SRPK1: variants seen among roughly 807,000 people sequenced by gnomAD.
SRPK1 encodes the protein SRSF protein kinase 1, also known as SFRS protein kinase 1.
In SRPK1, 52 loss-of-function variants were observed where a neutral mutation model predicts 89.5. The observed-to-expected ratio is 0.58, with a 90% CI of 0.46 to 0.73. The LOEUF is 0.73. SRPK1 is among the 30% of genes least tolerant of loss of function. The pLI is 0.00. For missense variants in SRPK1, 603 were observed against 780.6 expected (o/e 0.77, Z 2.71); for synonymous variants, 255 against 270.2 (o/e 0.94, Z 0.55).
At chr6:35,904,959 C>G (rs1471158393) in intron 2 of SRPK1, 2 of 443,516 alleles carry the variant, frequency 4.5e-6, no homozygotes, top group Non-Finnish European at 4.5e-6. Flanking sequence ...CTGGTTAGTA[C>G]AGCAAGACTC....
intron 2 of SRPK1, among the ~76,000 whole-genome samples, chr6:35,917,142 C>T (rs1224468622): frequency 6.6e-6 from 1 of 152,146 alleles, no homozygotes; most frequent in Non-Finnish European, 1.5e-5. Context: ...AGGCTCACAG[C>T]TATTGGTATA....
intron 14 of SRPK1, among the ~76,000 whole-genome samples, chr6:35,840,537 T>C (rs1043051931): frequency 9.2e-5 from 14 of 152,354 alleles, no homozygotes; most frequent in Non-Finnish European, 1.8e-4. Flanking sequence ...AAGTAAAATA[T>C]TGGTCCTTTA....
chr6:35,891,468 C>T (rs1770515271), intron 2 of SRPK1, among the ~76,000 whole-genome samples: 1 of 152,028 alleles, frequency 6.6e-6, no homozygotes, highest in Admixed American at 6.6e-5. Flanking sequence ...ATCTGTAATC[C>T]CAGCACTTTG....
At chr6:35,863,454 T>TA (rs58738266) in intron 12 of SRPK1, among the ~76,000 whole-genome samples, 34,142 of 137,426 alleles carry the variant, frequency 0.25, 4,563 homozygotes, top group South Asian at 0.35. Context: ...CCCTGTTTCT[T>TA]AAAAAAAAAA....
At position 35,871,642 on chromosome 6, in the gene SRPK1, C is replaced by G. The variant is rs570808984; in HGVS notation, c.752-683G>C. 4.6e-5 allele frequency among the ~76,000 whole-genome samples: 7 copies of G among 152,246 alleles called. No homozygotes were observed. In the South Asian group the frequency reaches 1.4e-3, roughly 32 times the overall value. On this transcript the variant is annotated intron_variant, in intron 8 of 15. Transcript: ENST00000373825. ...TTTTAAAGAAGTGTATAACTAATAA[C>G]TCAACTTGAGGATCAAGCAAGTTCC...
intron 6 of SRPK1, among the ~76,000 whole-genome samples, chr6:35,885,983 G>T (rs1037350020): frequency 1.3e-5 from 2 of 152,040 alleles, no homozygotes; most frequent in Non-Finnish European, 2.9e-5. Context: ...CAAAGTTGAG[G>T]CTTAGTATAA....
intron 2 of SRPK1, among the ~76,000 whole-genome samples, chr6:35,902,808 A>G (rs766014350): frequency 6.6e-6 from 1 of 152,202 alleles, no homozygotes; most frequent in Non-Finnish European, 1.5e-5. Context: ...TCTTTCTAGT[A>G]AAGAAAAATG....
Position 35,870,292 on chromosome 6 carries a change from T to C in SRPK1, c.980A>G (p.Gln327Arg). The change falls in exon 10 of 16, where the codon CAA becomes CGA. Residue 327 changes from glutamine (Q) to arginine (R), a missense_variant. Gln to Arg is a conservative substitution (Grantham distance 43). Transcript: ENST00000373825. ...TGTTCTATTTATACCAAGTTTTTCTTGGGTCATTTTATTAGGTGGGTTCTC... is the reference window on the plus strand; with the variant it reads ...TGTTCTATTTATACCAAGTTTTTCTCGGGTCATTTTATTAGGTGGGTTCTC... ...LKENPPNKMT[Q>R]EKLEESSTIG... is the part of the protein sequence containing the mutation. 1 of 1,611,536 alleles carries C rather than the reference T, an allele frequency of 6.2e-7. No individual in the cohort carries two copies.
At chr6:35,884,959 C>T (rs1770370481) in intron 6 of SRPK1, among the ~76,000 whole-genome samples, 1 of 152,108 alleles carries the variant, frequency 6.6e-6, no homozygotes, top group Non-Finnish European at 1.5e-5. Flanking sequence ...GAGATTATGC[C>T]ATTGAACTCC....
At chr6:35,885,298 C>CACACACACACACAG (rs1276672274) in intron 6 of SRPK1, among the ~76,000 whole-genome samples, 6 of 113,182 alleles carry the variant, frequency 5.3e-5, no homozygotes, top group South Asian at 5.8e-4. Context: ...CACACACACA[C>CACACACACACACAG]AGAGAGAGAG....
At chr6:35,908,194 T>C (rs1770890320) in intron 2 of SRPK1, among the ~76,000 whole-genome samples, 1 of 152,054 alleles carries the variant, frequency 6.6e-6, no homozygotes. Flanking sequence ...TAAAGATACT[T>C]GAAAATGTGG....
chr6:35,900,705 A>G (rs1375784897), intron 2 of SRPK1, among the ~76,000 whole-genome samples: 1 of 152,204 alleles, frequency 6.6e-6, no homozygotes, highest in African/African-American at 2.4e-5. Context: ...GCTATTTTAA[A>G]TAGTGTTGTG....
At chr6:35,878,945 G>A (rs1770217097) in intron 6 of SRPK1, among the ~76,000 whole-genome samples, 1 of 152,066 alleles carries the variant, frequency 6.6e-6, no homozygotes, top group Non-Finnish European at 1.5e-5. Flanking sequence ...ACGAAAATTA[G>A]CCAGGTGTGG....
intron 13 of SRPK1, among the ~76,000 whole-genome samples, chr6:35,843,953 A>G (rs1336255077): frequency 7.4e-6 from 1 of 134,762 alleles, no homozygotes; most frequent in African/African-American, 2.7e-5. Context: ...GCAGGGCTAC[A>G]TAAATCCTCA....
At chr6:35,898,386 T>TG (rs949598991) in intron 2 of SRPK1, among the ~76,000 whole-genome samples, 12 of 152,150 alleles carry the variant, frequency 7.9e-5, no homozygotes, top group Non-Finnish European at 1.5e-4. Context: ...GGGAGAAGAT[T>TG]GGGGGGTTAG....
intron 6 of SRPK1, among the ~76,000 whole-genome samples, chr6:35,885,991 T>C (rs1770399880): frequency 1.3e-5 from 2 of 152,194 alleles, no homozygotes; most frequent in Non-Finnish European, 2.9e-5. Context: ...AGGCTTAGTA[T>C]AATAAATACA....
At chr6:35,844,366 A>G (rs1218390356) in intron 13 of SRPK1, among the ~76,000 whole-genome samples, 1 of 152,174 alleles carries the variant, frequency 6.6e-6, no homozygotes, top group African/African-American at 2.4e-5. Flanking sequence ...AGCGCTAGTC[A>G]TAGGTCAATT....
chr6:35,880,451 G>A (rs550147725), intron 6 of SRPK1, among the ~76,000 whole-genome samples: 67 of 151,982 alleles, frequency 4.4e-4, no homozygotes, highest in Middle Eastern at 3.4e-3. Context: ...GGCTGGGCAC[G>A]GTGGCTCACG....
intron 7 of SRPK1, 54 bp from the exon 8 acceptor site, chr6:35,872,782 G>T: frequency 3.5e-6 from 5 of 1,413,720 alleles, no homozygotes; most frequent in South Asian, 1.5e-5. Context: ...GCTTTCTGGA[G>T]AAGTAAGAGA....
Sources: gnomAD v4.1 joint callset for allele counts (sites outside exome capture counted in the v4.1 genomes callset) on GRCh38, gnomAD v4.1.1 for gene constraint, MANE v1.5 for transcripts, NCBI Gene and HGNC (gene_info 2026-07-23, HGNC 2026-07-21) for gene names.